The following PPP1R12B variants were observed in gnomAD, a reference collection of about 807,000 sequenced individuals.
PPP1R12B encodes the protein protein phosphatase 1 regulatory subunit 12B.
PPP1R12B carries 76 observed loss-of-function variants against 126.1 expected under a neutral mutation model. The observed-to-expected ratio is 0.60, with a 90% CI of 0.50 to 0.73. The LOEUF is 0.73. PPP1R12B is among the 30% of genes least tolerant of loss of function. The pLI is 0.00. For synonymous variants in PPP1R12B, 356 were observed against 434.7 expected (o/e 0.82, Z 2.25); for missense variants, 1,052 against 1,205.1 (o/e 0.87, Z 1.88).
At chr1:202,380,564 CT>C (rs904381948) in intron 1 of PPP1R12B, among the ~76,000 whole-genome samples, 1 of 152,174 alleles carries the variant, frequency 6.6e-6, no homozygotes, top group Non-Finnish European at 1.5e-5. Context: ...ACCTCTTCCC[CT>C]GAGAGTAGAG....
chr1:202,565,947 G>A lies in PPP1R12B; in HGVS notation c.2757+1400G>A, dbSNP rs150448346. 2.6e-5 allele frequency among the ~76,000 whole-genome samples: 4 copies of A among 151,920 alleles called. No individual in the cohort carries two copies. In the South Asian group the frequency reaches 6.2e-4, roughly 24 times the overall value. On this transcript the variant is annotated intron_variant, in intron 21 of 23. Coordinates refer to ENST00000608999, the MANE Select transcript of PPP1R12B (RefSeq NM_002481.4). The surrounding 1 kb of genome is among the most constrained non-coding windows in gnomAD (Gnocchi z 4.3). ...ACAGTAGACCCTCAAAAGAAATCTGGGGCTAATTTTTATTCTGAATGGCGC... is the reference window on the plus strand; with the variant it reads ...ACAGTAGACCCTCAAAAGAAATCTGAGGCTAATTTTTATTCTGAATGGCGC...
At chr1:202,494,065 T>G (rs1679220216) in intron 15 of PPP1R12B, among the ~76,000 whole-genome samples, 1 of 152,210 alleles carries the variant, frequency 6.6e-6, no homozygotes, top group African/African-American at 2.4e-5. Context: ...TCATTACCCC[T>G]CCTTTGCACT....
chr1:202,559,041 T>A, intron 19 of PPP1R12B, 148 bp downstream of exon 19: 1 of 821,578 alleles, frequency 1.2e-6, no homozygotes, highest in Non-Finnish European at 1.8e-6. Context: ...TAATTCAGAC[T>A]TTTATTACCT....
intron 12 of PPP1R12B, chr1:202,448,164 CTG>C (rs1271005484): frequency 6.6e-6 from 1 of 152,146 alleles, no homozygotes; most frequent in Non-Finnish European, 1.5e-5. Flanking sequence ...TTCTCCATCT[CTG>C]TATCAGTTTT....
intron 1 of PPP1R12B, among the ~76,000 whole-genome samples, chr1:202,376,605 T>C (rs1320746680): frequency 6.6e-6 from 1 of 152,240 alleles, no homozygotes; most frequent in African/African-American, 2.4e-5. Context: ...TACAATCTTA[T>C]ATATAAAGAT....
chr1:202,436,258 C>T (rs1054284345), intron 9 of PPP1R12B, among the ~76,000 whole-genome samples: 44 of 151,362 alleles, frequency 2.9e-4, no homozygotes, highest in Admixed American at 2.3e-3. Context: ...AGAGTGAGAC[C>T]GTGTCTCAAA....
At chr1:202,439,727 GA>G in intron 10 of PPP1R12B, 1 of 574,570 alleles carries the variant, frequency 1.7e-6, no homozygotes, top group Non-Finnish European at 3.1e-6. Context: ...CAGCAGGAGG[GA>G]CTGAGGCCCT....
chr1:202,387,400 G>A (rs1663328243), intron 1 of PPP1R12B, among the ~76,000 whole-genome samples: 2 of 152,188 alleles, frequency 1.3e-5, no homozygotes, highest in African/African-American at 4.8e-5. Context: ...TCTTAATTAA[G>A]TGAAGACTTT....
intron 13 of PPP1R12B, among the ~76,000 whole-genome samples, chr1:202,486,187 T>A (rs1320546836): frequency 6.6e-6 from 1 of 152,050 alleles, no homozygotes; most frequent in Non-Finnish European, 1.5e-5. Flanking sequence ...TGGCTGCTAT[T>A]ATTTTTAAAT....
At chr1:202,425,522 T>C in intron 3 of PPP1R12B, 44 bp from the exon 4 acceptor site, 1 of 1,589,620 alleles carries the variant, frequency 6.3e-7, no homozygotes, top group South Asian at 1.1e-5. Flanking sequence ...CAAACTTAAG[T>C]GGAGCTTTAG....
intron 13 of PPP1R12B, among the ~76,000 whole-genome samples, chr1:202,476,222 G>T (rs1291432919): frequency 2.1e-5 from 3 of 143,454 alleles, no homozygotes; most frequent in African/African-American, 5.1e-5. Context: ...AAAAAAAAAA[G>T]ATATAGTTCA....
intron 13 of PPP1R12B, among the ~76,000 whole-genome samples, chr1:202,473,044 A>T (rs1676146130): frequency 6.6e-6 from 1 of 152,226 alleles, no homozygotes; most frequent in South Asian, 2.1e-4. Flanking sequence ...ATTTGGGGCC[A>T]GTTAATTATA....
At chr1:202,445,770 G>A (rs1458978897) in intron 12 of PPP1R12B, among the ~76,000 whole-genome samples, 1 of 152,148 alleles carries the variant, frequency 6.6e-6, no homozygotes, top group Non-Finnish European at 1.5e-5. Flanking sequence ...TGTTGTGGGG[G>A]CAGTATCTTC....
intron 1 of PPP1R12B, among the ~76,000 whole-genome samples, chr1:202,390,629 A>T (rs770186551): frequency 1.3e-5 from 2 of 151,352 alleles, no homozygotes; most frequent in Non-Finnish European, 1.5e-5. Flanking sequence ...CTCCCAAGTA[A>T]CAAGGACTGC....
intron 1 of PPP1R12B, among the ~76,000 whole-genome samples, chr1:202,354,188 G>C (rs74828998): frequency 2.0e-5 from 3 of 151,898 alleles, no homozygotes; most frequent in African/African-American, 7.3e-5. Context: ...TGACAAATGC[G>C]TACAGTTGTG....
At chr1:202,578,229 C>G (rs1204910295) in intron 23 of PPP1R12B, among the ~76,000 whole-genome samples, 1 of 152,150 alleles carries the variant, frequency 6.6e-6, no homozygotes, top group African/African-American at 2.4e-5. Flanking sequence ...CTACAAGACT[C>G]TACAAGTTGT....
rs886758740 is a variant in PPP1R12B at position 202,359,681 on chromosome 1, G to C, written c.291+10539G>C. 5.7e-5 allele frequency among the ~76,000 whole-genome samples: 8 copies of C among 139,458 alleles called. No individual in the cohort carries two copies. The East Asian group carries it at 2.1e-3, about 36-fold the overall frequency. The allele number at this position is 139,458 out of a possible 152,430, so 91.5% of individuals were successfully genotyped here. The stretch of plus-strand genomic sequence containing the variant: ...CTGTAATCCCAGCTACTGGCGGTGG[G>C]GGGTGGGGGTGGGGGGCGGTGCTAA... On this transcript the variant is annotated intron_variant, in intron 1 of 23. Coordinates refer to ENST00000608999, the MANE Select transcript of PPP1R12B (RefSeq NM_002481.4).
chr1:202,485,630 G>A (rs1678009615), intron 13 of PPP1R12B, among the ~76,000 whole-genome samples: 1 of 152,076 alleles, frequency 6.6e-6, no homozygotes, highest in South Asian at 2.1e-4. Flanking sequence ...ATCCTGGTAG[G>A]GAAGACAGTG....
chr1:202,389,744 T>C (rs1663812759), intron 1 of PPP1R12B, among the ~76,000 whole-genome samples: 1 of 151,652 alleles, frequency 6.6e-6, no homozygotes, highest in Non-Finnish European at 1.5e-5. Flanking sequence ...CTGGCCAACA[T>C]AGTGAAACCC....
Sources: allele counts gnomAD v4.1 joint callset (sites outside exome capture counted in the v4.1 genomes callset), GRCh38; gene constraint gnomAD v4.1.1; non-coding constraint Gnocchi (gnomAD v3.1); transcripts MANE v1.5; gene names NCBI Gene and HGNC (gene_info 2026-07-23, HGNC 2026-07-21).